CELF4: variants seen among roughly 807,000 people sequenced by gnomAD.
The protein encoded by CELF4 is CUG-BP- and ETR-3-like factor 4.
Under a neutral mutation model 59.9 loss-of-function variants are expected in CELF4, and 18 were observed. The observed-to-expected ratio is 0.30, with a 90% CI of 0.21 to 0.45. The LOEUF (loss-of-function observed/expected upper bound fraction) is 0.45, where lower values mean the gene tolerates loss of function less well. Ranked by LOEUF, CELF4 falls within the 20% of genes least tolerant of loss-of-function variation. The pLI is 1.00. For missense variants in CELF4, 456 were observed against 689.0 expected (o/e 0.66, Z 3.79); for synonymous variants, 261 against 267.1 (o/e 0.98, Z 0.22).
At chr18:37,470,127 C>A (rs1223543839) in intron 2 of CELF4, among the ~76,000 whole-genome samples, 1 of 152,058 alleles carries the variant, frequency 6.6e-6, no homozygotes, top group South Asian at 2.1e-4. Flanking sequence ...TCAATGCTAC[C>A]GAGTCAGAAT....
chr18:37,407,370 T>G (rs1286578989), intron 2 of CELF4, among the ~76,000 whole-genome samples: 1 of 152,194 alleles, frequency 6.6e-6, no homozygotes, highest in Non-Finnish European at 1.5e-5. Context: ...GGCACCTGCC[T>G]GGCCATTCCT....
intron 11 of CELF4, among the ~76,000 whole-genome samples, chr18:37,255,584 C>T (rs182767901): frequency 1.3e-4 from 19 of 151,552 alleles, no homozygotes; most frequent in Admixed American, 2.6e-4. Flanking sequence ...CCTCCTGGCC[C>T]GTCCCCACCT....
intron 2 of CELF4, among the ~76,000 whole-genome samples, chr18:37,344,241 A>T (rs2098165962): frequency 6.6e-6 from 1 of 152,110 alleles, no homozygotes; most frequent in South Asian, 2.1e-4. Flanking sequence ...ACATTTCCCC[A>T]CTGACCTGCC....
At chr18:37,425,658 T>C (rs1259901182) in intron 2 of CELF4, among the ~76,000 whole-genome samples, 2 of 152,226 alleles carry the variant, frequency 1.3e-5, no homozygotes, top group Non-Finnish European at 2.9e-5. Flanking sequence ...AGAAAGCTCA[T>C]AGAGATTCAA....
intron 2 of CELF4, among the ~76,000 whole-genome samples, chr18:37,375,473 A>G (rs1228434807): frequency 6.6e-6 from 1 of 152,106 alleles, no homozygotes; most frequent in Non-Finnish European, 1.5e-5. Context: ...TAAATGCCTG[A>G]ACCACCCCAC....
chr18:37,455,888 C>T (rs1403967333), intron 2 of CELF4, among the ~76,000 whole-genome samples: 2 of 152,212 alleles, frequency 1.3e-5, no homozygotes, highest in African/African-American at 4.8e-5. Flanking sequence ...TAGAATCTCG[C>T]AACCTCCTTC....
At chr18:37,373,003 T>C (rs1423217814) in intron 2 of CELF4, among the ~76,000 whole-genome samples, 1 of 152,102 alleles carries the variant, frequency 6.6e-6, no homozygotes, top group African/African-American at 2.4e-5. Flanking sequence ...ACCGACACCC[T>C]TACACTCCCT....
intron 1 of CELF4, among the ~76,000 whole-genome samples, chr18:37,495,130 T>C (rs1411459666): frequency 2.0e-5 from 3 of 152,206 alleles, no homozygotes; most frequent in Admixed American, 6.5e-5. Flanking sequence ...ACTATGTTCC[T>C]TTCTGATGAA....
chr18:37,518,426 G>A (rs2099953411), intron 1 of CELF4, among the ~76,000 whole-genome samples: 1 of 152,136 alleles, frequency 6.6e-6, no homozygotes, highest in African/African-American at 2.4e-5. Context: ...AGGAAACAAA[G>A]GAAAGGGACT....
At chr18:37,535,360 T>G (rs2099972663) in intron 1 of CELF4, among the ~76,000 whole-genome samples, 1 of 152,200 alleles carries the variant, frequency 6.6e-6, no homozygotes, top group Non-Finnish European at 1.5e-5. Context: ...AAGACTGAAT[T>G]CATTGTACGG....
Position 37,296,405 on chromosome 18 carries a change from C to T in CELF4, c.449-21162G>A, listed in dbSNP as rs141201824. On this transcript the variant is annotated intron_variant, in intron 3 of 12. Coordinates refer to ENST00000420428, the MANE Select transcript of CELF4 (RefSeq NM_020180.4). ...GAAACAGGGTTTTGCCATGTTGCCCCGGCTGACCTTGACCTCTTGGGCTCA... is the reference window on the plus strand; with the variant it reads ...GAAACAGGGTTTTGCCATGTTGCCCTGGCTGACCTTGACCTCTTGGGCTCA... Among the ~76,000 whole-genome samples, 626 of 152,284 alleles carry T rather than the reference C, an allele frequency of 4.1e-3. 5 individuals are homozygous for T. The highest frequency in any genetic ancestry group is 0.014 in the African/African-American group (589 of 41,560).
chr18:37,481,679 C>T (rs140884882), intron 2 of CELF4, among the ~76,000 whole-genome samples: 4 of 152,140 alleles, frequency 2.6e-5, no homozygotes, highest in Non-Finnish European at 4.4e-5. Context: ...GACTCTGGGC[C>T]GTTTCTCGGA....
chr18:37,264,573 G>T (rs1248551569), intron 10 of CELF4, 101 bp downstream of exon 10: 1 of 963,230 alleles, frequency 1.0e-6, no homozygotes, highest in South Asian at 1.4e-5. Flanking sequence ...CACAAACGTG[G>T]TCACCTTTCC....
chr18:37,481,483 T>C (rs2099866914), intron 2 of CELF4, among the ~76,000 whole-genome samples: 3 of 152,224 alleles, frequency 2.0e-5, no homozygotes, highest in African/African-American at 7.2e-5. Context: ...GGGCTCTTCC[T>C]GGAAGACGAT....
chr18:37,541,423 G>A (rs1019338671), intron 1 of CELF4, among the ~76,000 whole-genome samples: 5 of 151,944 alleles, frequency 3.3e-5, no homozygotes, highest in African/African-American at 4.8e-5. Context: ...TCCTGACCCC[G>A]TCTGTTTCTC....
chr18:37,431,085 G>A (rs1345394275), intron 2 of CELF4, among the ~76,000 whole-genome samples: 1 of 152,174 alleles, frequency 6.6e-6, no homozygotes, highest in African/African-American at 2.4e-5. Flanking sequence ...TGGGTGTTGT[G>A]GGTGAGCCAG....
chr18:37,414,343 T>C (rs1447912787), intron 2 of CELF4, among the ~76,000 whole-genome samples: 4 of 151,558 alleles, frequency 2.6e-5, no homozygotes, highest in African/African-American at 7.3e-5. Flanking sequence ...TCCATCCATC[T>C]ATCTACCCAT....
intron 1 of CELF4, among the ~76,000 whole-genome samples, chr18:37,489,867 G>A (rs1195162350): frequency 6.6e-6 from 1 of 152,120 alleles, no homozygotes; most frequent in East Asian, 1.9e-4. Flanking sequence ...TGGGGATGTG[G>A]CCAGTGGCAC....
At chr18:37,413,428 G>A (rs1198836529) in intron 2 of CELF4, among the ~76,000 whole-genome samples, 1 of 152,192 alleles carries the variant, frequency 6.6e-6, no homozygotes, top group Non-Finnish European at 1.5e-5. Flanking sequence ...TGTGGGGCAT[G>A]TTGGAAAGGT....
Sources: gnomAD v4.1 joint callset for allele counts (sites outside exome capture counted in the v4.1 genomes callset) on GRCh38, gnomAD v4.1.1 for gene constraint, MANE v1.5 for transcripts, NCBI Gene and HGNC (gene_info 2026-07-23, HGNC 2026-07-21) for gene names.